Variants in ADK observed in about 807,000 individuals in gnomAD.
ADK encodes the protein adenosine kinase.
ADK carries 24 observed loss-of-function variants against 44.7 expected under a neutral mutation model. That is an observed-to-expected ratio of 0.54 (90% CI 0.39 to 0.76). The LOEUF (loss-of-function observed/expected upper bound fraction) is 0.76. ADK is among the 30% of genes least tolerant of loss of function. The pLI is 0.00. For missense variants in ADK, 321 were observed against 425.1 expected (o/e 0.76, Z 2.15); for synonymous variants, 128 against 142.6 (o/e 0.90, Z 0.73).
intron 6 of ADK, among the ~76,000 whole-genome samples, chr10:74,512,425 TG>T (rs1292225153): frequency 6.6e-6 from 1 of 150,744 alleles, no homozygotes; most frequent in Non-Finnish European, 1.5e-5. Flanking sequence ...TTTTTGGTGT[TG>T]GAAGACTTTT....
At chr10:74,179,987 T>A (rs926384373) in intron 1 of ADK, among the ~76,000 whole-genome samples, 2 of 152,152 alleles carry the variant, frequency 1.3e-5, no homozygotes, top group African/African-American at 4.8e-5. Flanking sequence ...CTTTTACTGA[T>A]AAGCTGAATG....
chr10:74,533,071 G>A (rs1188473950), intron 7 of ADK, among the ~76,000 whole-genome samples: 2 of 151,830 alleles, frequency 1.3e-5, no homozygotes, highest in Non-Finnish European at 2.9e-5. Flanking sequence ...CCATCAAAAA[G>A]TATAACAAAG....
intron 7 of ADK, among the ~76,000 whole-genome samples, chr10:74,542,531 G>C (rs1012459681): frequency 6.6e-6 from 1 of 151,654 alleles, no homozygotes; most frequent in Non-Finnish European, 1.5e-5. Context: ...TTTTAAATAT[G>C]TGAAACATTT....
intron 4 of ADK, among the ~76,000 whole-genome samples, chr10:74,352,670 A>G (rs938165138): frequency 6.6e-6 from 1 of 152,194 alleles, no homozygotes; most frequent in African/African-American, 2.4e-5. Context: ...TTTGCAATCT[A>G]TCCATCTGAC....
intron 7 of ADK, among the ~76,000 whole-genome samples, chr10:74,564,659 A>C (rs1292388334): frequency 6.6e-6 from 1 of 152,210 alleles, no homozygotes; most frequent in Non-Finnish European, 1.5e-5. Context: ...TGTTAGAAGT[A>C]GGTTTTTTGT....
chr10:74,357,829 A>G (rs1842197680), intron 4 of ADK, among the ~76,000 whole-genome samples: 1 of 152,162 alleles, frequency 6.6e-6, no homozygotes, highest in African/African-American at 2.4e-5. Flanking sequence ...CTCCATCCTC[A>G]TAAGTTAAAC....
At chr10:74,506,278 A>G (rs1564761117) in intron 6 of ADK, 2 of 223,450 alleles carry the variant, frequency 9.0e-6, no homozygotes, top group South Asian at 6.3e-5. Flanking sequence ...CTTACACTGG[A>G]TTCATCTATC....
intron 8 of ADK, among the ~76,000 whole-genome samples, chr10:74,599,188 G>A (rs916581929): frequency 1.2e-4 from 18 of 152,142 alleles, no homozygotes; most frequent in Non-Finnish European, 2.5e-4. Context: ...TACTACAAAT[G>A]GCTATTCTTT....
intron 2 of ADK, among the ~76,000 whole-genome samples, chr10:74,206,126 G>T (rs1843588147): frequency 6.6e-6 from 1 of 152,118 alleles, no homozygotes; most frequent in Admixed American, 6.5e-5. Context: ...AAATCATGAT[G>T]TATAAAAGTA....
At chr10:74,249,496 T>TACACACACACACAC (rs72380023) in intron 3 of ADK, among the ~76,000 whole-genome samples, 1 of 149,060 alleles carries the variant, frequency 6.7e-6, no homozygotes, top group African/African-American at 2.5e-5. Flanking sequence ...TGTACATGCA[T>TACACACACACACAC]ACACACACAC....
intron 9 of ADK, among the ~76,000 whole-genome samples, chr10:74,616,423 A>G (rs1276219611): frequency 6.6e-6 from 1 of 151,960 alleles, no homozygotes; most frequent in East Asian, 1.9e-4. Context: ...AGGGAGAATG[A>G]TTCATTTATT....
At chr10:74,521,445 T>G (rs925997302) in intron 6 of ADK, among the ~76,000 whole-genome samples, 1 of 152,186 alleles carries the variant, frequency 6.6e-6, no homozygotes, top group African/African-American at 2.4e-5. Context: ...TTCTGTACCT[T>G]AAATTACAAT....
intron 8 of ADK, among the ~76,000 whole-genome samples, chr10:74,596,250 G>A (rs1282768326): frequency 2.0e-5 from 3 of 152,126 alleles, no homozygotes; most frequent in African/African-American, 7.2e-5. Flanking sequence ...GTGCTAGTCT[G>A]TTCTCCACTA....
At chr10:74,263,973 C>T (rs2132383436) in intron 3 of ADK, among the ~76,000 whole-genome samples, 1 of 152,284 alleles carries the variant, frequency 6.6e-6, no homozygotes, top group South Asian at 2.1e-4. Context: ...TCTGTTTATG[C>T]ATATGTGAAA....
intron 4 of ADK, among the ~76,000 whole-genome samples, chr10:74,323,725 T>C (rs978506220): frequency 2.0e-5 from 3 of 150,880 alleles, no homozygotes; most frequent in African/African-American, 7.3e-5. Flanking sequence ...CACCCGCCAC[T>C]GCACCCGGCT....
At chr10:74,229,663 C>T (rs974339301) in intron 3 of ADK, among the ~76,000 whole-genome samples, 1 of 152,120 alleles carries the variant, frequency 6.6e-6, no homozygotes, top group African/African-American at 2.4e-5. Flanking sequence ...TCCCAAAGTG[C>T]TGGGATTACG....
At position 74,341,527 on chromosome 10, in the gene ADK, C is replaced by CAA. The variant is rs35233016; in HGVS notation, c.273+26799_273+26800dup. Among the ~76,000 whole-genome samples, 64 of 61,512 alleles carry CAA rather than the reference C, an allele frequency of 1.0e-3. 2 individuals are homozygous for CAA. Among genetic ancestry groups the CAA allele is most frequent in the African/African-American group, 2.4e-3 (47 of 19,332 alleles). 40.4% of individuals were successfully genotyped at this position (61,512 alleles called of 152,430 possible). A position where few individuals can be genotyped will look rare whatever the true frequency, so the allele number is the denominator to read the frequency against. ...GGACAACAAGAGCGAGACTCCGTCT[C>CAA]AAAAAAAAAAAAAAAAAAGGATTTT... On this transcript the variant is annotated intron_variant, in intron 4 of 10. Transcript: ENST00000539909.
chr10:74,306,918 A>G (rs1840271786), intron 3 of ADK, among the ~76,000 whole-genome samples: 1 of 152,210 alleles, frequency 6.6e-6, no homozygotes, highest in Non-Finnish European at 1.5e-5. Context: ...AATTATGTCA[A>G]AGGGGAAAAT....
intron 7 of ADK, among the ~76,000 whole-genome samples, chr10:74,564,255 T>A (rs931610141): frequency 2.6e-5 from 4 of 152,092 alleles, no homozygotes; most frequent in Non-Finnish European, 5.9e-5. Flanking sequence ...AGAAAGACGA[T>A]TTAAGTTAAA....
Sources: gnomAD v4.1 joint callset for allele counts (sites outside exome capture counted in the v4.1 genomes callset) on GRCh38, gnomAD v4.1.1 for gene constraint, MANE v1.5 for transcripts, NCBI Gene and HGNC (gene_info 2026-07-23, HGNC 2026-07-21) for gene names.